The following BRINP1 variants were observed in gnomAD, a reference collection of about 807,000 sequenced individuals.
BRINP1 encodes the protein BMP/retinoic acid inducible neural specific 1.
A neutral mutation model predicts 72.9 loss-of-function variants in BRINP1; 17 were observed. The ratio of observed to expected loss-of-function variants is 0.23; its 90% confidence interval spans 0.16 to 0.35. The LOEUF is 0.35. Ranked by LOEUF, BRINP1 falls within the 10% of genes least tolerant of loss-of-function variation. The pLI is 1.00. For missense variants in BRINP1, 850 were observed against 1,001.6 expected (o/e 0.85, Z 2.04); for synonymous variants, 418 against 378.5 (o/e 1.10, Z -1.21).
intron 5 of BRINP1, among the ~76,000 whole-genome samples, chr9:119,221,844 G>A (rs908721115): frequency 6.6e-6 from 1 of 152,108 alleles, no homozygotes; most frequent in African/African-American, 2.4e-5. Flanking sequence ...GGTAGCAGAG[G>A]ACTCCCCAAC....
At chr9:119,258,584 C>G (rs1273538268) in intron 2 of BRINP1, among the ~76,000 whole-genome samples, 1 of 152,166 alleles carries the variant, frequency 6.6e-6, no homozygotes, top group East Asian at 1.9e-4. Context: ...TCACGGCCAT[C>G]ACTGTCATTT....
chr9:119,272,769 T>C (rs1177838295), intron 2 of BRINP1, among the ~76,000 whole-genome samples: 3 of 152,200 alleles, frequency 2.0e-5, no homozygotes, highest in Non-Finnish European at 4.4e-5. Flanking sequence ...TCGCAGAGAC[T>C]GACACTTTTC....
intron 2 of BRINP1, among the ~76,000 whole-genome samples, chr9:119,278,721 C>T (rs1005885191): frequency 6.6e-5 from 10 of 152,210 alleles, no homozygotes; most frequent in African/African-American, 2.4e-4. Context: ...AACCCTATCT[C>T]TACTAAAAAT....
intron 5 of BRINP1, among the ~76,000 whole-genome samples, chr9:119,230,824 G>A (rs992855836): frequency 6.6e-6 from 1 of 151,952 alleles, no homozygotes; most frequent in Non-Finnish European, 1.5e-5. Flanking sequence ...CACAAGTCTC[G>A]GGTGGCCCTG....
At chr9:119,252,922 G>A (rs1416950882) in intron 2 of BRINP1, among the ~76,000 whole-genome samples, 3 of 152,184 alleles carry the variant, frequency 2.0e-5, no homozygotes, top group Admixed American at 6.5e-5. Flanking sequence ...CCTGCCATCT[G>A]TGTTGCTTCC....
chr9:119,282,892 G>A, intron 2 of BRINP1: 8 of 985,378 alleles, frequency 8.1e-6, no homozygotes, highest in Non-Finnish European at 8.4e-6. Context: ...CCTGTGTACC[G>A]CAAACACAAA....
At chr9:119,262,689 C>G (rs116198513) in intron 2 of BRINP1, among the ~76,000 whole-genome samples, 1 of 139,656 alleles carries the variant, frequency 7.2e-6, no homozygotes, top group African/African-American at 2.6e-5. Flanking sequence ...CTTGGAGGAA[C>G]AAACACTGGA....
intron 1 of BRINP1, among the ~76,000 whole-genome samples, chr9:119,354,993 T>C (rs577321947): frequency 5.9e-5 from 9 of 152,356 alleles, no homozygotes; most frequent in African/African-American, 1.9e-4. Context: ...TTAAGGTGGA[T>C]GAATGACTTA....
At chr9:119,218,952 T>C (rs1830010116) in intron 5 of BRINP1, among the ~76,000 whole-genome samples, 2 of 151,988 alleles carry the variant, frequency 1.3e-5, no homozygotes, top group African/African-American at 4.8e-5. Flanking sequence ...AGGAAAGTCA[T>C]TAGGTTTAGA....
intron 7 of BRINP1, among the ~76,000 whole-genome samples, chr9:119,189,457 A>AGTG (rs1231695003): frequency 2.0e-5 from 3 of 152,178 alleles, no homozygotes; most frequent in Non-Finnish European, 4.4e-5. Context: ...CACAGCTGAA[A>AGTG]GTGAAGGGAT....
At chr9:119,220,912 C>T (rs1268491846) in intron 5 of BRINP1, among the ~76,000 whole-genome samples, 1 of 151,974 alleles carries the variant, frequency 6.6e-6, no homozygotes, top group Non-Finnish European at 1.5e-5. Flanking sequence ...TCAATCTAAG[C>T]CTTTCTTATG....
chr9:119,335,275 G>A (rs1030393003), intron 1 of BRINP1, among the ~76,000 whole-genome samples: 2 of 152,186 alleles, frequency 1.3e-5, no homozygotes, highest in African/African-American at 4.8e-5. Context: ...CAGGAGGCCT[G>A]AGCTCAGGGC....
chr9:119,265,604 A>AAAACAAAC (rs200640638), intron 2 of BRINP1, among the ~76,000 whole-genome samples: 1 of 152,036 alleles, frequency 6.6e-6, no homozygotes, highest in Non-Finnish European at 1.5e-5. Context: ...CTCAATTACC[A>AAAACAAAC]AAACAAACAA....
rs770026085 is a variant in BRINP1, at chr9:119,242,122, T to C, written c.504A>G (p.Ala168=). The C allele has an allele frequency of 1.9e-6, 3 of 1,614,030 alleles. No individual in the cohort carries two copies. The highest frequency in any genetic ancestry group is 2.7e-5 in the African/African-American group (2 of 74,924). The part of the protein sequence containing the change: ...TQSVEALHQL[A]SSYFVDRDGT... ...CATCACGGTCAACAAAGTAGGATGA[T>C]GCGAGCTGGTGCAGAGCTTCAACAC... The change falls in exon 4 of 8, where the codon GCA becomes GCG. Residue 168 remains alanine (A), a synonymous_variant. Transcript: ENST00000265922.
chr9:119,263,000 T>C (rs1830512682), intron 2 of BRINP1, among the ~76,000 whole-genome samples: 1 of 152,168 alleles, frequency 6.6e-6, no homozygotes, highest in African/African-American at 2.4e-5. Context: ...AACATTCCAA[T>C]AAATATTTTG....
chr9:119,321,569 C>T (rs192728572), intron 1 of BRINP1, among the ~76,000 whole-genome samples: 2 of 152,214 alleles, frequency 1.3e-5, no homozygotes, highest in Admixed American at 6.5e-5. Flanking sequence ...TCCAGCTCAC[C>T]GCATCAGCGA....
intron 2 of BRINP1, among the ~76,000 whole-genome samples, chr9:119,309,811 G>A (rs566639065): frequency 6.6e-6 from 1 of 152,088 alleles, no homozygotes; most frequent in Non-Finnish European, 1.5e-5. Context: ...AGGGGGCGTG[G>A]GTTATGTGGG....
chr9:119,283,957 G>A (rs1419069734), intron 2 of BRINP1, among the ~76,000 whole-genome samples: 4 of 152,150 alleles, frequency 2.6e-5, no homozygotes, highest in African/African-American at 7.2e-5. Context: ...ACCACCAGCA[G>A]CATCTGGTGA....
chr9:119,175,794 C>G (rs1329272335), intron 7 of BRINP1, among the ~76,000 whole-genome samples: 1 of 152,168 alleles, frequency 6.6e-6, no homozygotes, highest in Admixed American at 6.5e-5. Context: ...CACCCTTTGG[C>G]TGTCTTCCAT....
Sources: allele counts gnomAD v4.1 joint callset (sites outside exome capture counted in the v4.1 genomes callset), GRCh38; gene constraint gnomAD v4.1.1; transcripts MANE v1.5; gene names NCBI Gene and HGNC (gene_info 2026-07-23, HGNC 2026-07-21).